The following TVP23B variants were observed in gnomAD, a reference collection of about 807,000 sequenced individuals.
The protein encoded by TVP23B is Golgi apparatus membrane protein TVP23 homolog B.
A neutral mutation model predicts 30.6 loss-of-function variants in TVP23B; 10 were observed. That is an observed-to-expected ratio of 0.33 (90% CI 0.20 to 0.55). The LOEUF is 0.55. TVP23B is among the 20% of genes least tolerant of loss of function. The pLI is 0.91. For synonymous variants in TVP23B, 67 were observed against 83.1 expected, an observed-to-expected ratio of 0.81 and a Z score of 1.06; for missense variants, 153 against 243.2, an observed-to-expected ratio of 0.63 and a Z score of 2.47.
chr17:18,798,168 C>G (rs2036103653), intron 4 of TVP23B, among the ~76,000 whole-genome samples: 2 of 152,120 alleles, frequency 1.3e-5, no homozygotes, highest in African/African-American at 2.4e-5. Flanking sequence ...GGTTAGCCTG[C>G]TACACTATAG....
chr17:18,803,794 T>C (rs1278719814), intron 5 of TVP23B, among the ~76,000 whole-genome samples: 4 of 152,160 alleles, frequency 2.6e-5, no homozygotes, highest in Non-Finnish European at 5.9e-5. Flanking sequence ...CTTTCCTGAG[T>C]CTCATTTACT....
At chr17:18,803,279 G>C (rs983421723) in intron 5 of TVP23B, among the ~76,000 whole-genome samples, 1 of 152,078 alleles carries the variant, frequency 6.6e-6, no homozygotes, top group Non-Finnish European at 1.5e-5. Context: ...AAACAGCCTT[G>C]CCCACTTATA....
intron 1 of TVP23B, among the ~76,000 whole-genome samples, chr17:18,782,842 T>G (rs2035829279): frequency 6.6e-6 from 1 of 151,818 alleles, no homozygotes; most frequent in Non-Finnish European, 1.5e-5. Context: ...CTGGCTCCTT[T>G]ATTGCAACCT....
Position 18,806,059 on chromosome 17 carries a change from G to A in TVP23B, c.*492G>A, listed in dbSNP as rs1441606236. 1 of 980,152 alleles carries A rather than the reference G, an allele frequency of 1.0e-6. No homozygotes were observed. Among genetic ancestry groups the A allele is most frequent in the Non-Finnish European group, 1.2e-6 (1 of 825,188 alleles). 60.7% of individuals were successfully genotyped at this position (980,152 alleles called of 1,614,324 possible). A position where few individuals can be genotyped will look rare whatever the true frequency, so the allele number is the denominator to read the frequency against. On this transcript the variant is annotated 3_prime_UTR_variant, in exon 7 of 7. Transcript: ENST00000307767. ...ATGTATAAGTTAGAAATAATTGTTA[G>A]TTTTTAATATGCACTTCGTGGGGAA...
intron 2 of TVP23B, among the ~76,000 whole-genome samples, chr17:18,790,617 G>A (rs1410689952): frequency 6.6e-6 from 1 of 152,150 alleles, no homozygotes; most frequent in Non-Finnish European, 1.5e-5. Flanking sequence ...TTCTCCAAGA[G>A]AGATAAAATT....
intron 2 of TVP23B, chr17:18,789,710 C>A: frequency 2.7e-6 from 1 of 377,242 alleles, no homozygotes; most frequent in Non-Finnish European, 4.8e-6. Flanking sequence ...TGTACCATTT[C>A]TTTATATAGT....
At chr17:18,796,734 T>C (rs2036082039) in intron 3 of TVP23B, 1 of 152,242 alleles carries the variant, frequency 6.6e-6, no homozygotes, top group Non-Finnish European at 1.5e-5. Flanking sequence ...CAGAGGTTAA[T>C]GAAAATGAAG....
intron 3 of TVP23B, among the ~76,000 whole-genome samples, chr17:18,793,734 C>T (rs2036033977): frequency 6.6e-6 from 1 of 151,814 alleles, no homozygotes; most frequent in East Asian, 1.9e-4. Context: ...GTCAAGGAAG[C>T]TTAAATCAGA....
intron 1 of TVP23B, among the ~76,000 whole-genome samples, chr17:18,786,785 T>C (rs2035912702): frequency 6.6e-6 from 1 of 151,702 alleles, no homozygotes; most frequent in Admixed American, 6.6e-5. Flanking sequence ...CATCACTTAC[T>C]GCATGAGCTA....
chr17:18,788,796 G>C (rs1158416232), intron 1 of TVP23B, among the ~76,000 whole-genome samples: 1 of 152,096 alleles, frequency 6.6e-6, no homozygotes, highest in Admixed American at 6.5e-5. Flanking sequence ...CAACAAAAAA[G>C]AAAGATCCAA....
rs2036117425 is a variant in TVP23B, at chr17:18,798,959, G to C, written c.462+16G>C. ...AAAGTGGTTGGTGAGTATCAGTGTA[G>C]AACTTTCAAATAATCCATTAAGATG... On this transcript the variant is annotated intron_variant, in intron 5 of 6. Coordinates refer to ENST00000307767, the MANE Select transcript of TVP23B (RefSeq NM_016078.6). The C allele has an allele frequency of 6.2e-7, 1 of 1,603,374 alleles. No homozygotes were observed. The highest frequency in any genetic ancestry group is 1.3e-5 in the African/African-American group (1 of 74,170).
chr17:18,786,547 A>G (rs1343050401), intron 1 of TVP23B, among the ~76,000 whole-genome samples: 1 of 152,182 alleles, frequency 6.6e-6, no homozygotes, highest in African/African-American at 2.4e-5. Flanking sequence ...CTTTTTATTC[A>G]TAACATCATA....
At chr17:18,786,063 G>T (rs1285716077) in intron 1 of TVP23B, among the ~76,000 whole-genome samples, 1 of 150,422 alleles carries the variant, frequency 6.6e-6, no homozygotes, top group Non-Finnish European at 1.5e-5. Context: ...TTAATGCCAT[G>T]AGCACAGCCT....
intron 3 of TVP23B, among the ~76,000 whole-genome samples, chr17:18,792,458 G>T (rs1187214913): frequency 6.6e-6 from 1 of 152,188 alleles, no homozygotes; most frequent in Non-Finnish European, 1.5e-5. Flanking sequence ...CTGTTGTCCA[G>T]TCTTCTTTGG....
intron 3 of TVP23B, among the ~76,000 whole-genome samples, chr17:18,792,760 C>T (rs4924771): frequency 0.8 from 121,946 of 152,128 alleles, 48,992 homozygotes; most frequent in East Asian, 0.88. Flanking sequence ...CTTGGCAAAA[C>T]TACTTATAGA....
At chr17:18,793,992 A>C (rs1048699686) in intron 3 of TVP23B, among the ~76,000 whole-genome samples, 7 of 151,960 alleles carry the variant, frequency 4.6e-5, no homozygotes, top group African/African-American at 1.7e-4. Flanking sequence ...AGAGTAAGAA[A>C]GCACTAAGAG....
intron 3 of TVP23B, among the ~76,000 whole-genome samples, chr17:18,792,826 T>A (rs987165945): frequency 2.6e-5 from 4 of 152,202 alleles, no homozygotes; most frequent in African/African-American, 9.6e-5. Flanking sequence ...AGGGAAATTA[T>A]TAAGTGGACT....
chr17:18,782,640 C>T (rs1178821304), intron 1 of TVP23B: 1 of 152,180 alleles, frequency 6.6e-6, no homozygotes, highest in Non-Finnish European at 1.5e-5. Flanking sequence ...GCTGGTGGCC[C>T]ATTTTTATGG....
At chr17:18,789,945 C>G (rs2035965932) in intron 2 of TVP23B, among the ~76,000 whole-genome samples, 1 of 152,128 alleles carries the variant, frequency 6.6e-6, no homozygotes, top group African/African-American at 2.4e-5. Flanking sequence ...ATAGGCAAAT[C>G]TGTAGAGACA....
Sources: allele counts gnomAD v4.1 joint callset (sites outside exome capture counted in the v4.1 genomes callset), GRCh38; gene constraint gnomAD v4.1.1; transcripts MANE v1.5; gene names NCBI Gene and HGNC (gene_info 2026-07-23, HGNC 2026-07-21).